Variants in RNF145 observed in about 807,000 individuals in gnomAD.
RNF145 encodes the protein ring finger protein 145.
In RNF145, 12 loss-of-function variants were observed where a neutral mutation model predicts 57.3. The observed-to-expected ratio is 0.21, with a 90% CI of 0.13 to 0.34. The LOEUF (loss-of-function observed/expected upper bound fraction) is 0.34. Ranked by LOEUF, RNF145 falls within the 10% of genes least tolerant of loss-of-function variation. The pLI, the probability that RNF145 is intolerant of heterozygous loss-of-function variation, is 1.00. For missense variants in RNF145, 429 were observed against 799.0 expected, an observed-to-expected ratio of 0.54 and a Z score of 5.58; for synonymous variants, 262 against 288.3, an observed-to-expected ratio of 0.91 and a Z score of 0.92.
At chr5:159,204,827 A>AAAAAAAAAAAAAAAAAAAAAAAAAAAAG (rs147292059) in intron 1 of RNF145, among the ~76,000 whole-genome samples, 2 of 105,666 alleles carry the variant, frequency 1.9e-5, no homozygotes, top group African/African-American at 4.0e-5. Context: ...AAAAAAAAAA[A>AAAAAAAAAAAAAAAAAAAAAAAAAAAAG]GCAAACAAAA....
intron 3 of RNF145, among the ~76,000 whole-genome samples, chr5:159,191,976 G>A (rs1785304332): frequency 6.6e-6 from 1 of 151,004 alleles, no homozygotes; most frequent in Admixed American, 6.6e-5. Context: ...GCCTGGATTG[G>A]TAATACAGTC....
rs191971850 is a variant in RNF145, at chr5:159,183,987, A to T, written c.294-1936T>A. 2.1e-3 allele frequency among the ~76,000 whole-genome samples: 321 copies of T among 152,272 alleles called. 1 individual carries two copies. Among genetic ancestry groups the T allele is most frequent in the Non-Finnish European group, 3.8e-3 (257 of 68,018 alleles). On this transcript the variant is annotated intron_variant, in intron 3 of 10. Coordinates refer to ENST00000424310, the MANE Select transcript of RNF145 (RefSeq NM_001199383.2). ...AAATGATTAATTTTATGTTATACGA[A>T]TTTTACATTAGAAAAGGGAGAGAGG...
At chr5:159,175,773 A>T (rs990027497) in intron 5 of RNF145, among the ~76,000 whole-genome samples, 1 of 152,206 alleles carries the variant, frequency 6.6e-6, no homozygotes, top group Non-Finnish European at 1.5e-5. Context: ...CCCTGGGGCC[A>T]CAAGAGAATA....
chr5:159,194,816 A>G lies in RNF145; in HGVS notation c.193T>C (p.Leu65=), dbSNP rs1389895408. The G allele has an allele frequency of 6.2e-7, 1 of 1,601,246 alleles. No homozygotes were observed. Among genetic ancestry groups the G allele is most frequent in the Non-Finnish European group, 8.5e-7 (1 of 1,171,474 alleles). ...ALNMHYVGYI[L]SVVLLTLPRQ... is the part of the protein sequence containing the mutation. ...GGCAATGTTAGCAGCACCACACTTA[A>G]GATATAACCTGTACCAGAAAGATAA... Residue 65 remains leucine (L), a synonymous_variant, in exon 3 of 11, where the codon TTA becomes CTA. Transcript: ENST00000424310.
At chr5:159,188,026 T>C (rs1160770445) in intron 3 of RNF145, among the ~76,000 whole-genome samples, 1 of 152,152 alleles carries the variant, frequency 6.6e-6, no homozygotes, top group Non-Finnish European at 1.5e-5. Flanking sequence ...GGGCTCTTAA[T>C]TCAAGTCACA....
chr5:159,206,425 T>C (rs1785883256), intron 1 of RNF145, among the ~76,000 whole-genome samples: 1 of 152,178 alleles, frequency 6.6e-6, no homozygotes, highest in Non-Finnish European at 1.5e-5. Context: ...GAGCACATGA[T>C]AGTTATCAAT....
chr5:159,192,998 G>A (rs1353758562), intron 3 of RNF145, among the ~76,000 whole-genome samples: 4 of 152,192 alleles, frequency 2.6e-5, no homozygotes, highest in Non-Finnish European at 4.4e-5. Context: ...GAGGTATCGG[G>A]GTAAGGCCAC....
chr5:159,195,760 A>T (rs1448447918), intron 2 of RNF145, among the ~76,000 whole-genome samples: 1 of 152,238 alleles, frequency 6.6e-6, no homozygotes, highest in Non-Finnish European at 1.5e-5. Context: ...TTCAAGTATC[A>T]GCATCTCTTC....
intron 8 of RNF145, 22 bp downstream of exon 8, chr5:159,168,851 A>G (rs1784463658): frequency 7.1e-7 from 1 of 1,416,888 alleles, no homozygotes; most frequent in African/African-American, 1.5e-5. Context: ...GTTAATTTAA[A>G]GAATATTAAG....
chr5:159,179,002 C>T (rs1051290989), intron 4 of RNF145, among the ~76,000 whole-genome samples: 11 of 151,928 alleles, frequency 7.2e-5, no homozygotes, highest in Admixed American at 3.3e-4. Context: ...AAAAGAAAAA[C>T]TCCTAATTAT....
rs972725635 is a variant in RNF145, at chr5:159,207,647, C to A, written c.-40+1584G>T. On this transcript the variant is annotated intron_variant, in intron 1 of 10. Coordinates refer to ENST00000424310, the MANE Select transcript of RNF145 (RefSeq NM_001199383.2). ...TAAAATTCTAAGTAAAAGCCCAGAA[C>A]TGAGATACCAGGAAAGAGAACGCAT... 3.7e-6 allele frequency: 6 copies of A among 1,609,176 alleles called. No individual in the cohort carries two copies. In the African/African-American group the frequency reaches 8.0e-5, roughly 22 times the overall value.
At chr5:159,210,020 A>T (rs886066725), upstream of RNF145, 8 of 824,302 alleles carry the variant, frequency 9.7e-6, no homozygotes, top group African/African-American at 1.2e-4. Flanking sequence ...CAGGCACTCA[A>T]ACCCCTGTGG....
chr5:159,199,720 A>C (rs1018405987), intron 2 of RNF145, among the ~76,000 whole-genome samples: 1 of 152,130 alleles, frequency 6.6e-6, no homozygotes, highest in Non-Finnish European at 1.5e-5. Flanking sequence ...CCACTGACCC[A>C]CCACGACCTA....
chr5:159,170,950 T>A (rs927488532), intron 6 of RNF145, among the ~76,000 whole-genome samples: 1 of 152,216 alleles, frequency 6.6e-6, no homozygotes, highest in Non-Finnish European at 1.5e-5. Flanking sequence ...CTGATATAGA[T>A]GAGGAATTCA....
chr5:159,161,648 A>G lies in RNF145; in HGVS notation c.1270-26T>C, dbSNP rs930870324. On this transcript the variant is annotated intron_variant, in intron 9 of 10. Transcript: ENST00000424310. ...CTGAAAAAAAAAAAAAAATGTACGT[A>G]TCTTGAAATATGATCACTAAGATAC... The G allele has an allele frequency of 2.3e-6, 3 of 1,278,254 alleles. No homozygotes were observed. In the African/African-American group the frequency reaches 4.5e-5, roughly 19 times the overall value. 79.2% of individuals were successfully genotyped at this position (1,278,254 alleles called of 1,614,324 possible).
At chr5:159,208,176 A>G (rs1562081538) in intron 1 of RNF145, 1 of 1,359,912 alleles carries the variant, frequency 7.4e-7, no homozygotes, top group Non-Finnish European at 9.5e-7. Flanking sequence ...AGTAACCCCA[A>G]CCCAGCTCGC....
At chr5:159,199,137 A>G (rs939772699) in intron 2 of RNF145, among the ~76,000 whole-genome samples, 6 of 152,210 alleles carry the variant, frequency 3.9e-5, no homozygotes, top group African/African-American at 1.4e-4. Context: ...ATGCAACATA[A>G]TAATTGCTAT....
At chr5:159,204,874 T>G (rs1439560382) in intron 1 of RNF145, among the ~76,000 whole-genome samples, 1 of 151,466 alleles carries the variant, frequency 6.6e-6, no homozygotes, top group Non-Finnish European at 1.5e-5. Flanking sequence ...AAGATAATTC[T>G]GGATTGTTGG....
intron 2 of RNF145, among the ~76,000 whole-genome samples, chr5:159,200,989 G>A (rs1284312132): frequency 1.3e-5 from 2 of 152,152 alleles, no homozygotes; most frequent in Non-Finnish European, 2.9e-5. Flanking sequence ...AGGATTGTAG[G>A]AACTCTCAAC....
Sources: allele counts gnomAD v4.1 joint callset (sites outside exome capture counted in the v4.1 genomes callset), GRCh38; gene constraint gnomAD v4.1.1; transcripts MANE v1.5; gene names NCBI Gene and HGNC (gene_info 2026-07-23, HGNC 2026-07-21).